Variants in LHFPL3 observed in about 807,000 individuals in gnomAD.
LHFPL3 encodes the protein LHFPL tetraspan subfamily member 3.
In LHFPL3, 5 loss-of-function variants were observed where a neutral mutation model predicts 19.3. That is an observed-to-expected ratio of 0.26 (90% confidence interval 0.14 to 0.54). The LOEUF (loss-of-function observed/expected upper bound fraction) is 0.54, where lower values mean the gene tolerates loss of function less well. Among genes scored for constraint, LHFPL3 ranks in the 20% least tolerant of loss-of-function variants. The pLI, the probability that LHFPL3 is intolerant of heterozygous loss-of-function variation, is 0.94. For missense variants in LHFPL3, 249 were observed against 307.4 expected (o/e 0.81, Z 1.42); for synonymous variants, 133 against 126.2 (o/e 1.05, Z -0.36).
intron 1 of LHFPL3, among the ~76,000 whole-genome samples, chr7:104,647,197 C>G (rs766413343): frequency 1.4e-4 from 21 of 152,182 alleles, no homozygotes; most frequent in Non-Finnish European, 2.4e-4. Context: ...CTAAGTTTTT[C>G]AAGAAGAGGA....
intron 1 of LHFPL3, among the ~76,000 whole-genome samples, chr7:104,473,015 T>C (rs1367129256): frequency 6.6e-6 from 1 of 152,180 alleles, no homozygotes; most frequent in Non-Finnish European, 1.5e-5. Flanking sequence ...TAAAAGAAAT[T>C]CAAAATTTCA....
At chr7:104,595,871 G>C (rs1790841601) in intron 1 of LHFPL3, among the ~76,000 whole-genome samples, 1 of 152,268 alleles carries the variant, frequency 6.6e-6, no homozygotes, top group South Asian at 2.1e-4. Context: ...GCTGAGCCAG[G>C]CATGGGAGAG....
chr7:104,560,163 C>T (rs1437333867), intron 1 of LHFPL3, among the ~76,000 whole-genome samples: 31 of 139,330 alleles, frequency 2.2e-4, no homozygotes, highest in East Asian at 2.0e-3. Flanking sequence ...TGTCTCTGCC[C>T]GGCTTTGGTA....
At chr7:104,585,361 C>T (rs540917214) in intron 1 of LHFPL3, among the ~76,000 whole-genome samples, 2 of 152,112 alleles carry the variant, frequency 1.3e-5, no homozygotes, top group Admixed American at 6.6e-5. Context: ...TGTCAAGATC[C>T]GCACAGGGCT....
intron 2 of LHFPL3, among the ~76,000 whole-genome samples, chr7:104,760,931 G>GAAAA (rs11451788): frequency 1.1e-5 from 1 of 91,486 alleles, no homozygotes. Context: ...TATCACATCA[G>GAAAA]AAAAAAAAAA....
At chr7:104,835,742 A>G (rs1791079791) in intron 2 of LHFPL3, among the ~76,000 whole-genome samples, 1 of 149,542 alleles carries the variant, frequency 6.7e-6, no homozygotes, top group South Asian at 2.1e-4. Context: ...TTTCATATTG[A>G]TCTACACGTT....
At chr7:104,714,030 A>C (rs1282124738) in intron 1 of LHFPL3, among the ~76,000 whole-genome samples, 1 of 152,198 alleles carries the variant, frequency 6.6e-6, no homozygotes, top group African/African-American at 2.4e-5. Flanking sequence ...TAGTCTAGGG[A>C]AGTCGTTCTG....
chr7:104,644,075 A>T (rs1055737417), intron 1 of LHFPL3, among the ~76,000 whole-genome samples: 2 of 152,222 alleles, frequency 1.3e-5, no homozygotes, highest in Non-Finnish European at 1.5e-5. Flanking sequence ...TCATTTCTGA[A>T]CTGACAGTTG....
At chr7:104,861,510 T>C (rs907809010) in intron 2 of LHFPL3, among the ~76,000 whole-genome samples, 7 of 152,214 alleles carry the variant, frequency 4.6e-5, no homozygotes, top group African/African-American at 1.4e-4. Context: ...TGGGAGAACC[T>C]TGGAGGATGA....
At chr7:104,476,632 G>C (rs1793023781) in intron 1 of LHFPL3, among the ~76,000 whole-genome samples, 1 of 151,838 alleles carries the variant, frequency 6.6e-6, no homozygotes, top group Admixed American at 6.6e-5. Flanking sequence ...ACATAATTTT[G>C]TATTTTCAGT....
At chr7:104,600,995 A>G (rs1042796684) in intron 1 of LHFPL3, among the ~76,000 whole-genome samples, 1 of 152,238 alleles carries the variant, frequency 6.6e-6, no homozygotes, top group Admixed American at 6.5e-5. Flanking sequence ...GAATAAGCCA[A>G]TTAATTGCCC....
chr7:104,571,917 A>G (rs370931309), intron 1 of LHFPL3, among the ~76,000 whole-genome samples: 44 of 152,158 alleles, frequency 2.9e-4, no homozygotes, highest in African/African-American at 8.4e-4. Context: ...ACACACACAC[A>G]CTTTTTCTTA....
At chr7:104,619,041 AT>A (rs1791397853) in intron 1 of LHFPL3, among the ~76,000 whole-genome samples, 1 of 152,166 alleles carries the variant, frequency 6.6e-6, no homozygotes, top group African/African-American at 2.4e-5. Flanking sequence ...TATCAGGAGC[AT>A]TTCTCTTGGG....
At chr7:104,728,875 C>A (rs1793637761) in intron 1 of LHFPL3, among the ~76,000 whole-genome samples, 1 of 152,214 alleles carries the variant, frequency 6.6e-6, no homozygotes, top group East Asian at 1.9e-4. Context: ...GTTGAAGCAA[C>A]TGTTGAATGA....
chr7:104,350,955 G>C (rs953998680), intron 1 of LHFPL3, among the ~76,000 whole-genome samples: 1 of 151,340 alleles, frequency 6.6e-6, no homozygotes, highest in South Asian at 2.1e-4. Flanking sequence ...CAGGAGAATT[G>C]CTTGAACCTG....
At chr7:104,566,367 A>G (rs374323218) in intron 1 of LHFPL3, among the ~76,000 whole-genome samples, 1 of 151,868 alleles carries the variant, frequency 6.6e-6, no homozygotes, top group Non-Finnish European at 1.5e-5. Context: ...ACAAAAACTC[A>G]CCTTCTTCCT....
At chr7:104,834,625 G>A (rs1310003971) in intron 2 of LHFPL3, among the ~76,000 whole-genome samples, 1 of 152,054 alleles carries the variant, frequency 6.6e-6, no homozygotes, top group Non-Finnish European at 1.5e-5. Context: ...AAGGAGGGAT[G>A]GGAGGTTGAT....
intron 1 of LHFPL3, among the ~76,000 whole-genome samples, chr7:104,408,821 G>C (rs1027726896): frequency 2.0e-5 from 3 of 151,530 alleles, no homozygotes; most frequent in Non-Finnish European, 4.4e-5. Context: ...GGTACAGGGA[G>C]GGGCAGAGGA....
chr7:104,589,938 T>C (rs1034246649), intron 1 of LHFPL3, among the ~76,000 whole-genome samples: 1 of 152,236 alleles, frequency 6.6e-6, no homozygotes, highest in Non-Finnish European at 1.5e-5. Flanking sequence ...AGTTTGTATT[T>C]CTGTGGGATC....
Sources: gnomAD v4.1 joint callset for allele counts (sites outside exome capture counted in the v4.1 genomes callset) on GRCh38, gnomAD v4.1.1 for gene constraint, MANE v1.5 for transcripts, NCBI Gene and HGNC (gene_info 2026-07-23, HGNC 2026-07-21) for gene names.